Variants in SPAG17 observed in about 807,000 individuals in gnomAD.
SPAG17 encodes the protein sperm associated antigen 17.
Under a neutral mutation model 273.6 loss-of-function variants are expected in SPAG17, and 169 were observed. The observed-to-expected ratio is 0.62, with a 90% CI of 0.55 to 0.70. The LOEUF is 0.70. Among genes scored for constraint, SPAG17 ranks in the 30% least tolerant of loss-of-function variants. The pLI is 0.00. For missense variants in SPAG17, 2,557 were observed against 2,627.8 expected, an observed-to-expected ratio of 0.97 and a Z score of 0.59; for synonymous variants, 825 against 873.2, an observed-to-expected ratio of 0.94 and a Z score of 0.97.
intron 17 of SPAG17, among the ~76,000 whole-genome samples, chr1:118,072,070 G>C (rs1653652876): frequency 6.6e-6 from 1 of 152,084 alleles, no homozygotes; most frequent in Non-Finnish European, 1.5e-5. Context: ...CCAGGGAGAG[G>C]ATCACAACAT....
chr1:118,045,918 T>C (rs1344401423), intron 20 of SPAG17, among the ~76,000 whole-genome samples: 1 of 152,056 alleles, frequency 6.6e-6, no homozygotes, highest in African/African-American at 2.4e-5. Context: ...AGTAAAACAG[T>C]TCAAAGCAAC....
intron 25 of SPAG17, among the ~76,000 whole-genome samples, chr1:118,029,183 G>C (rs1648132789): frequency 6.6e-6 from 1 of 152,068 alleles, no homozygotes. Context: ...CCAGGAGTTT[G>C]AGCCCACACT....
intron 3 of SPAG17, among the ~76,000 whole-genome samples, chr1:118,142,902 G>A (rs1006899219): frequency 3.6e-4 from 55 of 152,322 alleles, no homozygotes; most frequent in African/African-American, 1.2e-3. Context: ...TTTAATTAGT[G>A]AGATTTTAGA....
intron 21 of SPAG17, 58 bp from the exon 22 acceptor site, chr1:118,040,899 T>C: frequency 8.5e-7 from 1 of 1,178,836 alleles, no homozygotes; most frequent in Non-Finnish European, 1.3e-6. Flanking sequence ...AAAATCAACT[T>C]ATCAGTGTTA....
At chr1:117,984,382 G>T (rs1656174465) in intron 41 of SPAG17, among the ~76,000 whole-genome samples, 1 of 152,218 alleles carries the variant, frequency 6.6e-6, no homozygotes, top group African/African-American at 2.4e-5. Flanking sequence ...TGATAGGAAA[G>T]ATTCTGCCTA....
chr1:118,017,479 G>A (rs1660089336), intron 28 of SPAG17, among the ~76,000 whole-genome samples: 1 of 152,048 alleles, frequency 6.6e-6, no homozygotes, highest in African/African-American at 2.4e-5. Context: ...GGACAGGAGA[G>A]GCAGGCACTG....
chr1:117,962,764 A>C (rs773356870), intron 48 of SPAG17: 6 of 152,246 alleles, frequency 3.9e-5, no homozygotes, highest in Non-Finnish European at 8.8e-5. Flanking sequence ...GCAAATCTCC[A>C]GCAGAGATCT....
In SPAG17 at chr1:118,115,442, C is replaced by T. The variant is rs1471199358; in HGVS notation, c.316-1G>A. ...TAATTGCTTTTGCTGCCGTTAACAC[C>T]TATACAGAAACACAATTATTAGAAA... On this transcript the variant is annotated splice_acceptor_variant, in intron 3 of 48. Transcript: ENST00000336338. LOFTEE classifies it high-confidence loss of function. 6.2e-7 allele frequency: 1 copy of T among 1,607,936 alleles called. No individual in the cohort carries two copies. The highest frequency in any genetic ancestry group is 1.3e-5 in the African/African-American group (1 of 74,270).
chr1:118,057,144 T>C (rs1232174231), intron 18 of SPAG17, among the ~76,000 whole-genome samples: 5 of 152,112 alleles, frequency 3.3e-5, no homozygotes, highest in Non-Finnish European at 7.4e-5. Context: ...GCCCGGCTTC[T>C]TATTTTCTTA....
chr1:118,129,996 G>T (rs1222368025), intron 3 of SPAG17, among the ~76,000 whole-genome samples: 1 of 152,146 alleles, frequency 6.6e-6, no homozygotes, highest in Non-Finnish European at 1.5e-5. Flanking sequence ...TTATCAAAAA[G>T]TTGTAGTGTT....
chr1:118,081,550 TCA>T lies in SPAG17; in HGVS notation c.1853_1854del (p.Leu618GlnfsTer12). The T allele has an allele frequency of 6.2e-7, 1 of 1,614,050 alleles. No homozygotes were observed. The highest frequency in any genetic ancestry group is 8.5e-7 in the Non-Finnish European group (1 of 1,180,004). Reference protein sequence around the residue: ...KLSEVDEKGKLKPSGMMCGSD... With the variant: ...KLSEVDEKGKXKPSGMMCGSD... ...GACCCACACATCATCCCAGAAGGTT[TCA>T]GTTTCCCTTTTTCATCAACCTCAGA... On this transcript the variant is annotated frameshift_variant, in exon 14 of 49. Transcript: ENST00000336338. LOFTEE classifies it high-confidence loss of function.
At chr1:118,139,638 A>G (rs1014678785) in intron 3 of SPAG17, among the ~76,000 whole-genome samples, 1 of 152,240 alleles carries the variant, frequency 6.6e-6, no homozygotes, top group Admixed American at 6.5e-5. Context: ...GCCTTAAAAA[A>G]GAAGGAAACT....
intron 3 of SPAG17, among the ~76,000 whole-genome samples, chr1:118,144,675 T>TGG (rs1053943002): frequency 6.6e-6 from 1 of 152,212 alleles, no homozygotes; most frequent in African/African-American, 2.4e-5. Flanking sequence ...GGCCCTGGTG[T>TGG]GGGCCACGTT....
chr1:118,089,396 C>A (rs951599129), intron 10 of SPAG17, among the ~76,000 whole-genome samples: 2 of 136,334 alleles, frequency 1.5e-5, no homozygotes, highest in Non-Finnish European at 1.6e-5. Context: ...ATCTCAGAAC[C>A]CTATTTTTAG....
chr1:117,983,673 A>G (rs1030552987), intron 42 of SPAG17, 138 bp downstream of exon 42: 2 of 447,022 alleles, frequency 4.5e-6, no homozygotes, highest in Admixed American at 3.9e-5. Flanking sequence ...TTTCTCATAT[A>G]ACTCAGCCAG....
At chr1:117,994,563 C>A in intron 34 of SPAG17, 33 bp from the exon 35 acceptor site, 1 of 1,585,052 alleles carries the variant, frequency 6.3e-7, no homozygotes, top group Non-Finnish European at 8.6e-7. Flanking sequence ...AAGACCATTA[C>A]CCATTGAAAG....
intron 3 of SPAG17, among the ~76,000 whole-genome samples, chr1:118,131,076 TCA>T (rs1658028526): frequency 6.6e-6 from 1 of 152,202 alleles, no homozygotes; most frequent in Non-Finnish European, 1.5e-5. Context: ...GTGAGCCAGA[TCA>T]CAGTTTAGAC....
chr1:118,107,856 A>G (rs541744120), intron 4 of SPAG17, among the ~76,000 whole-genome samples: 1 of 152,372 alleles, frequency 6.6e-6, no homozygotes, highest in South Asian at 2.1e-4. Context: ...CATCATTTTT[A>G]CATAACTGTT....
chr1:118,003,797 C>T (rs1658574227), intron 32 of SPAG17, among the ~76,000 whole-genome samples: 1 of 152,064 alleles, frequency 6.6e-6, no homozygotes, highest in Non-Finnish European at 1.5e-5. Flanking sequence ...TATAACTGAC[C>T]TTCTGAAGCC....
Sources: allele counts gnomAD v4.1 joint callset (sites outside exome capture counted in the v4.1 genomes callset), GRCh38; gene constraint gnomAD v4.1.1; transcripts MANE v1.5; gene names NCBI Gene and HGNC (gene_info 2026-07-23, HGNC 2026-07-21).